The following GRAMD1C variants were observed in gnomAD, a reference collection of about 807,000 sequenced individuals.
GRAMD1C encodes GRAM domain containing 1C.
In GRAMD1C, 89 loss-of-function variants were observed where a neutral mutation model predicts 97.8. The observed-to-expected ratio is 0.91, with a 90% CI of 0.77 to 1.09. The LOEUF is 1.09. GRAMD1C is among the 50% of genes least tolerant of loss of function. The pLI is 0.00. For missense variants in GRAMD1C, 740 were observed against 766.4 expected (o/e 0.97, Z 0.41); for synonymous variants, 256 against 267.0 (o/e 0.96, Z 0.40).
At chr3:113,913,517 A>G (rs1177817830) in intron 9 of GRAMD1C, among the ~76,000 whole-genome samples, 3 of 152,002 alleles carry the variant, frequency 2.0e-5, no homozygotes, top group African/African-American at 7.2e-5. Flanking sequence ...AAAATTGTAC[A>G]TATCTAGAAA....
Position 113,892,231 on chromosome 3 carries a change from G to A in GRAMD1C, c.541-8800G>A, listed in dbSNP as rs369111532. Among the ~76,000 whole-genome samples, 103 of 152,174 alleles carry A rather than the reference G, an allele frequency of 6.8e-4. 2 individuals are homozygous for A. The South Asian group carries it at 0.01, about 15-fold the overall frequency. On this transcript the variant is annotated intron_variant, in intron 6 of 17. Coordinates refer to ENST00000358160, the MANE Select transcript of GRAMD1C (RefSeq NM_017577.5). ...TCACGCCTGTAATCCTAGCCCTTTG[G>A]GAGGCTGAGGTGGGCTGACCACCTG...
chr3:113,927,521 C>G (rs1187694007), intron 10 of GRAMD1C, among the ~76,000 whole-genome samples: 2 of 152,220 alleles, frequency 1.3e-5, no homozygotes, highest in South Asian at 4.1e-4. Flanking sequence ...TTGGGCATCA[C>G]TCAGGCCTGC....
intron 5 of GRAMD1C, among the ~76,000 whole-genome samples, chr3:113,880,443 T>C (rs1427226914): frequency 6.6e-6 from 1 of 152,196 alleles, no homozygotes. Context: ...ACATTATCTC[T>C]TGTAGTTGTA....
At chr3:113,836,001 C>T (rs1030175532), upstream of GRAMD1C, among the ~76,000 whole-genome samples, 1 of 152,130 alleles carries the variant, frequency 6.6e-6, no homozygotes, top group Non-Finnish European at 1.5e-5. Context: ...CAGTGGCTCA[C>T]GCCTGTAATC....
intron 1 of GRAMD1C, 87 bp from the exon 2 acceptor site, chr3:113,844,416 A>C: frequency 1.2e-6 from 1 of 837,524 alleles, no homozygotes; most frequent in Non-Finnish European, 1.9e-6. Context: ...TTTAAAATTA[A>C]TGTATATGTT....
rs572517059 is a variant in GRAMD1C, at chr3:113,916,961, C to G, written c.1090+1123C>G. On this transcript the variant is annotated intron_variant, in intron 10 of 17. Coordinates refer to ENST00000358160, the MANE Select transcript of GRAMD1C (RefSeq NM_017577.5). ...CCCAGGAGTTTGAGACCAGCCTGGA[C>G]CCATCTCTACCAAAAAATACAAAAA... 1.3e-4 allele frequency among the ~76,000 whole-genome samples: 20 copies of G among 152,034 alleles called. No individual in the cohort carries two copies. In the East Asian group the frequency reaches 3.5e-3, roughly 26 times the overall value.
chr3:113,849,267 T>TTTTATTTA (rs200581881), intron 2 of GRAMD1C, among the ~76,000 whole-genome samples: 3,891 of 141,514 alleles, frequency 0.027, 77 homozygotes, highest in South Asian at 0.036. Flanking sequence ...CTAGTTAATA[T>TTTTATTTA]TTTATTTATT....
intron 6 of GRAMD1C, among the ~76,000 whole-genome samples, chr3:113,900,402 A>T (rs549855063): frequency 1.4e-4 from 15 of 106,654 alleles, no homozygotes; most frequent in African/African-American, 4.5e-4. Flanking sequence ...ACCAGAAAGT[A>T]TGAACAAATT....
At chr3:113,943,439 A>G (rs1937902757) in intron 17 of GRAMD1C, among the ~76,000 whole-genome samples, 1 of 152,190 alleles carries the variant, frequency 6.6e-6, no homozygotes, top group Admixed American at 6.5e-5. Flanking sequence ...AAATCTGTAC[A>G]CATTAGTAGT....
rs748001768 is a variant in GRAMD1C at position 113,876,164 on chromosome 3, G to A, written c.364-1G>A. ...ATTAAAAAAATTTTTTGTGTGTTTAGATTTCTATTGCTTTAAAGAATATAA... is the reference window on the plus strand; with the variant it reads ...ATTAAAAAAATTTTTTGTGTGTTTAAATTTCTATTGCTTTAAAGAATATAA... On this transcript the variant is annotated splice_acceptor_variant, in intron 4 of 17. Transcript: ENST00000358160. LOFTEE classifies it high-confidence loss of function. The A allele has an allele frequency of 7.3e-6, 11 of 1,504,866 alleles. No homozygotes were observed. The highest frequency in any genetic ancestry group is 1.7e-4 in the Middle Eastern group (1 of 5,780). 93.2% of individuals were successfully genotyped at this position (1,504,866 alleles called of 1,614,324 possible).
At chr3:113,898,975 A>C (rs1422877872) in intron 6 of GRAMD1C, among the ~76,000 whole-genome samples, 2 of 152,094 alleles carry the variant, frequency 1.3e-5, no homozygotes, top group Non-Finnish European at 2.9e-5. Flanking sequence ...AATGTAATGA[A>C]GGTCATCTAG....
chr3:113,897,799 C>T (rs1242185851), intron 6 of GRAMD1C: 1 of 977,178 alleles, frequency 1.0e-6, no homozygotes, highest in Non-Finnish European at 1.2e-6. Context: ...GGGAGAGACT[C>T]TCCTTGGTTT....
intron 17 of GRAMD1C, 47 bp downstream of exon 17, chr3:113,940,392 T>C: frequency 2.0e-6 from 2 of 1,009,158 alleles, no homozygotes; most frequent in Non-Finnish European, 3.2e-6. Context: ...TGTCCCAGTA[T>C]GAATTAGTTG....
At chr3:113,836,338 C>G (rs1709631203), upstream of GRAMD1C, among the ~76,000 whole-genome samples, 1 of 152,114 alleles carries the variant, frequency 6.6e-6, no homozygotes, top group Non-Finnish European at 1.5e-5. Context: ...GGATTCAACT[C>G]CTTTCCATCT....
At chr3:113,922,438 G>T (rs539485475) in intron 10 of GRAMD1C, among the ~76,000 whole-genome samples, 1 of 152,226 alleles carries the variant, frequency 6.6e-6, no homozygotes, top group South Asian at 2.1e-4. Context: ...AATCCATCTT[G>T]AGCTGATTTT....
chr3:113,885,656 G>A, intron 6 of GRAMD1C: 1 of 1,512,664 alleles, frequency 6.6e-7, no homozygotes, highest in South Asian at 1.1e-5. Flanking sequence ...TCCTGGAAGT[G>A]GTGAGCCAGT....
At chr3:113,930,867 G>T (rs1937392796) in intron 11 of GRAMD1C, 35 bp downstream of exon 11, 1 of 1,086,376 alleles carries the variant, frequency 9.2e-7, no homozygotes, top group African/African-American at 1.6e-5. Flanking sequence ...GAAGAGTCAT[G>T]TGTGGGGGAA....
upstream of GRAMD1C, among the ~76,000 whole-genome samples, chr3:113,834,082 A>AT (rs1335819893): frequency 1.3e-5 from 2 of 152,182 alleles, no homozygotes; most frequent in Non-Finnish European, 2.9e-5. Flanking sequence ...AATTAAATCT[A>AT]TAGGAAAAAT....
chr3:113,902,819 T>C (rs968268874), intron 7 of GRAMD1C, among the ~76,000 whole-genome samples: 2 of 150,610 alleles, frequency 1.3e-5, no homozygotes, highest in African/African-American at 4.9e-5. Flanking sequence ...CTACTTTTTG[T>C]ATTTTCAGTA....
Sources: allele counts gnomAD v4.1 joint callset (sites outside exome capture counted in the v4.1 genomes callset), GRCh38; gene constraint gnomAD v4.1.1; transcripts MANE v1.5; gene names NCBI Gene and HGNC (gene_info 2026-07-23, HGNC 2026-07-21).